Variants in DLGAP1 observed in about 807,000 individuals in gnomAD.
DLGAP1 encodes disks large-associated protein 1.
Under a neutral mutation model 90.8 loss-of-function variants are expected in DLGAP1, and 11 were observed. The ratio of observed to expected loss-of-function variants is 0.12; its 90% CI spans 0.08 to 0.20. DLGAP1 has a LOEUF of 0.20. Among genes scored for constraint, DLGAP1 ranks in the 10% least tolerant of loss-of-function variants. The pLI, the probability that DLGAP1 is intolerant of heterozygous loss-of-function variation, is 1.00. For synonymous variants in DLGAP1, 558 were observed against 540.7 expected (o/e 1.03, Z -0.44); for missense variants, 1,050 against 1,333.8 (o/e 0.79, Z 3.31).
chr18:3,656,400 A>T lies in DLGAP1; in HGVS notation c.1591+72735T>A, dbSNP rs944978757. ...AAAGGCCAAGTCTGCCTGAGTGACT[A>T]TTTCTGTGTATAAATTATACCAGAT... On this transcript the variant is annotated intron_variant, in intron 7 of 12. Transcript: ENST00000315677. 23 of 382,270 alleles carry T rather than the reference A, an allele frequency of 6.0e-5. No homozygotes were observed. In the Admixed American group the frequency reaches 7.7e-4, roughly 13 times the overall value. 23.7% of individuals were successfully genotyped at this position (382,270 alleles called of 1,614,324 possible). A position where few individuals can be genotyped will look rare whatever the true frequency, so the allele number is the denominator to read the frequency against.
In DLGAP1 at chr18:3,928,704, G is replaced by A. The variant is rs577042220; in HGVS notation, c.-72-48564C>T. 4.6e-5 allele frequency among the ~76,000 whole-genome samples: 7 copies of A among 152,268 alleles called. No individual in the cohort carries two copies. The South Asian group carries it at 1.5e-3, about 32-fold the overall frequency. On this transcript the variant is annotated intron_variant, in intron 3 of 12. Coordinates refer to ENST00000315677, the MANE Select transcript of DLGAP1 (RefSeq NM_004746.4). Reference sequence around the variant, plus strand: ...TTATTCAAAGTAAGAAAGCTGGTAAGTCATGGAACCTGGGCTAAACACAGG... The same window carrying A: ...TTATTCAAAGTAAGAAAGCTGGTAAATCATGGAACCTGGGCTAAACACAGG...
At chr18:3,562,983 A>G (rs2054228341) in intron 9 of DLGAP1, among the ~76,000 whole-genome samples, 1 of 151,754 alleles carries the variant, frequency 6.6e-6, no homozygotes, top group Non-Finnish European at 1.5e-5. Context: ...CATGCACCAC[A>G]GCCAGATAAC....
intron 4 of DLGAP1, among the ~76,000 whole-genome samples, chr18:3,817,290 A>G (rs1022507423): frequency 6.6e-6 from 1 of 152,232 alleles, no homozygotes; most frequent in African/African-American, 2.4e-5. Flanking sequence ...AAGTTAGTTT[A>G]TGGTAGAAAT....
At chr18:4,047,493 T>C (rs568472970) in intron 2 of DLGAP1, among the ~76,000 whole-genome samples, 146 of 152,342 alleles carry the variant, frequency 9.6e-4, no homozygotes, top group African/African-American at 3.1e-3. Flanking sequence ...CAGATAATTA[T>C]GAAATAAAGA....
At chr18:3,703,027 G>T (rs2061330459) in intron 7 of DLGAP1, among the ~76,000 whole-genome samples, 1 of 152,176 alleles carries the variant, frequency 6.6e-6, no homozygotes, top group South Asian at 2.1e-4. Context: ...GTGAAGGCAG[G>T]ATCAGCCCAG....
In DLGAP1 at chr18:3,879,095, A is replaced by G; in HGVS notation, c.957+17T>C. 6 of 1,486,454 alleles carry G rather than the reference A, an allele frequency of 4.0e-6. No individual in the cohort carries two copies. The highest frequency in any genetic ancestry group is 5.4e-6 in the Non-Finnish European group (6 of 1,118,456). 92.1% of individuals were successfully genotyped at this position (1,486,454 alleles called of 1,614,324 possible). A position where few individuals can be genotyped will look rare whatever the true frequency, so the allele number is the denominator to read the frequency against. ...CAGGTACTACTTCTAAGCCTCCATC[A>G]TTGACAGAAATGGTACCTGCAGGTA... On this transcript the variant is annotated intron_variant, in intron 4 of 12. Coordinates refer to ENST00000315677, the MANE Select transcript of DLGAP1 (RefSeq NM_004746.4). This position sits in a 1 kb window ranked among gnomAD's most constrained non-coding sequence, Gnocchi z 6.6.
At chr18:4,258,010 T>TGTGTGCGC (rs529531621) in intron 1 of DLGAP1, among the ~76,000 whole-genome samples, 136 of 137,100 alleles carry the variant, frequency 9.9e-4, no homozygotes, top group African/African-American at 3.7e-3. Context: ...TGTGTGTGTG[T>TGTGTGCGC]GCGCGCGCGC....
intron 10 of DLGAP1, among the ~76,000 whole-genome samples, chr18:3,509,970 T>A (rs2050449084): frequency 6.6e-6 from 1 of 152,092 alleles, no homozygotes; most frequent in African/African-American, 2.4e-5. Flanking sequence ...ATTTGCCCCC[T>A]CCCTCCGTGA....
intron 3 of DLGAP1, among the ~76,000 whole-genome samples, chr18:4,003,497 T>C (rs959374630): frequency 5.3e-5 from 8 of 149,832 alleles, no homozygotes; most frequent in Admixed American, 1.3e-4. Context: ...TTGTTATTCC[T>C]GCTTAAAGTC....
chr18:3,572,069 G>GTTTTTTTTT (rs67491547), intron 8 of DLGAP1, among the ~76,000 whole-genome samples: 8 of 105,620 alleles, frequency 7.6e-5, no homozygotes, highest in Admixed American at 1.2e-4. Context: ...TTTCTTCTAG[G>GTTTTTTTTT]TTTTTTTTTT....
chr18:4,376,158 A>T (rs74781164), intron 1 of DLGAP1, among the ~76,000 whole-genome samples: 1,833 of 152,320 alleles, frequency 0.012, 17 homozygotes, highest in African/African-American at 0.025. Flanking sequence ...GCATCTATAA[A>T]GGAATTATTT....
chr18:3,676,497 G>T (rs921998236), intron 7 of DLGAP1, among the ~76,000 whole-genome samples: 2 of 151,920 alleles, frequency 1.3e-5, no homozygotes, highest in Non-Finnish European at 2.9e-5. Flanking sequence ...TTTTCCTGCC[G>T]CGAGATGACA....
chr18:4,050,026 G>C (rs746436880), intron 2 of DLGAP1, among the ~76,000 whole-genome samples: 2 of 152,090 alleles, frequency 1.3e-5, no homozygotes, highest in Admixed American at 1.3e-4. Context: ...GTGCTTAGTG[G>C]TAGAGAAACA....
intron 1 of DLGAP1, among the ~76,000 whole-genome samples, chr18:4,367,428 T>TA (rs2081800718): frequency 1.3e-5 from 2 of 152,054 alleles, no homozygotes; most frequent in South Asian, 2.1e-4. Context: ...TTCTTTACAA[T>TA]AAAAAAATTG....
At chr18:4,087,050 C>CATAT (rs759918417) in intron 2 of DLGAP1, among the ~76,000 whole-genome samples, 2 of 100,748 alleles carry the variant, frequency 2.0e-5, no homozygotes, top group African/African-American at 7.5e-5. Context: ...TACACAAACA[C>CATAT]ATATATATAT....
chr18:3,551,714 C>CCCTT lies in DLGAP1; in HGVS notation c.2057+15775_2057+15776insAAGG, dbSNP rs1233183272. ...TCCCTCCCTCCCTCCCTCCCTCCCT[C>CCCTT]CCTCCCTCCCTTCCTTCCTTCCTTC... On this transcript the variant is annotated intron_variant, in intron 9 of 12. Transcript: ENST00000315677. 6.1e-4 allele frequency among the ~76,000 whole-genome samples: 20 copies of CCCTT among 32,718 alleles called. 1 individual carries two copies. The highest frequency in any genetic ancestry group is 8.6e-4 in the Non-Finnish European group (17 of 19,710). The allele number at this position is 32,718 out of a possible 152,430, so 21.5% of individuals were successfully genotyped here.
intron 1 of DLGAP1, among the ~76,000 whole-genome samples, chr18:4,450,715 A>G (rs978341224): frequency 2.0e-5 from 3 of 152,354 alleles, no homozygotes; most frequent in African/African-American, 7.2e-5. Context: ...TACAAATCTG[A>G]TAAGAAAACA....
chr18:3,554,779 GATCA>G lies in DLGAP1; in HGVS notation c.2057+12707_2057+12710del, dbSNP rs374004319. Reference sequence around the variant, plus strand: ...AAATTTAGAAGTCTACTCCTTAATAGATCAATCAGTTAGGTGGGCCTTGCTGGGT... The same window carrying G: ...AAATTTAGAAGTCTACTCCTTAATAGATCAGTTAGGTGGGCCTTGCTGGGT... On this transcript the variant is annotated intron_variant, in intron 9 of 12. Coordinates refer to ENST00000315677, the MANE Select transcript of DLGAP1 (RefSeq NM_004746.4). 1.6e-3 allele frequency among the ~76,000 whole-genome samples: 248 copies of G among 152,282 alleles called. 1 individual carries two copies. Among genetic ancestry groups the G allele is most frequent in the African/African-American group, 4.7e-3 (196 of 41,558 alleles).
chr18:3,501,447 G>A (rs536852031), intron 12 of DLGAP1, among the ~76,000 whole-genome samples: 2 of 152,098 alleles, frequency 1.3e-5, no homozygotes, highest in Non-Finnish European at 2.9e-5. Context: ...TTAACACTAC[G>A]ACCCCCATTT....
Sources: allele counts gnomAD v4.1 joint callset (sites outside exome capture counted in the v4.1 genomes callset), GRCh38; gene constraint gnomAD v4.1.1; non-coding constraint Gnocchi (gnomAD v3.1); transcripts MANE v1.5; gene names NCBI Gene and HGNC (gene_info 2026-07-23, HGNC 2026-07-21).